The following RARRES2 variants were observed in gnomAD, a reference collection of about 807,000 sequenced individuals.
RARRES2 encodes the protein retinoic acid receptor responder 2, also known as retinoic acid receptor responder protein 2.
RARRES2 carries 12 observed loss-of-function variants against 17.9 expected under a neutral mutation model. The observed-to-expected ratio is 0.67, with a 90% CI of 0.43 to 1.08. The LOEUF is 1.08. Ranked by LOEUF, RARRES2 falls within the 50% of genes least tolerant of loss-of-function variation. The pLI, the probability that RARRES2 is intolerant of heterozygous loss-of-function variation, is 0.00. For missense variants in RARRES2, 220 were observed against 210.1 expected (o/e 1.05, Z -0.29); for synonymous variants, 82 against 86.8 (o/e 0.94, Z 0.31).
At chr7:150,340,937 TC>T (rs1256561538) in intron 1 of RARRES2, 3 of 229,854 alleles carry the variant, frequency 1.3e-5, no homozygotes, top group African/African-American at 4.6e-5. Flanking sequence ...GCCCATTGTG[TC>T]TCTCCCTGGG....
rs1798492692 is a variant in RARRES2, at chr7:150,341,616, G to C, written c.-59C>G. 6.6e-6 allele frequency: 1 copy of C among 152,154 alleles called. No individual in the cohort carries two copies. The highest frequency in any genetic ancestry group is 6.5e-5 in the Admixed American group (1 of 15,272). 9.4% of individuals were successfully genotyped at this position (152,154 alleles called of 1,614,324 possible). A position where few individuals can be genotyped will look rare whatever the true frequency, so the allele number is the denominator to read the frequency against. ...CCTGGAGGTCTCCCCTGACCGTCCC[G>C]CAGCTGAAATCTTGGCCTCGCTGTC... On this transcript the variant is annotated 5_prime_UTR_variant, in exon 1 of 6. Transcript: ENST00000223271.
chr7:150,339,149 G>T, intron 3 of RARRES2, 68 bp from the exon 4 acceptor site: 1 of 1,434,862 alleles, frequency 7.0e-7, no homozygotes, highest in Non-Finnish European at 9.8e-7. Context: ...CATCATGAGG[G>T]TGGGAGCCAG....
rs1798463462 is a variant in RARRES2 at position 150,340,646 on chromosome 7, C to G, written c.-20-17G>C. 3 of 1,461,570 alleles carry G rather than the reference C, an allele frequency of 2.1e-6. No homozygotes were observed. The highest frequency in any genetic ancestry group is 2.7e-6 in the Non-Finnish European group (3 of 1,106,718). The allele number at this position is 1,461,570 out of a possible 1,614,324, so 90.5% of individuals were successfully genotyped here. On this transcript the variant is annotated splice_polypyrimidine_tract_variant and intron_variant, in intron 1 of 5. Transcript: ENST00000223271. ...ACCCTGGCCCTGCGAAGCGGGTGTGCGCCCCTCAGCTCTCCGAGCCAGCCC... is the reference window on the plus strand; with the variant it reads ...ACCCTGGCCCTGCGAAGCGGGTGTGGGCCCCTCAGCTCTCCGAGCCAGCCC...
At chr7:150,338,527 C>A in intron 5 of RARRES2, 88 bp from the exon 6 acceptor site, 1 of 1,517,128 alleles carries the variant, frequency 6.6e-7, no homozygotes, top group Non-Finnish European at 8.9e-7. Context: ...GACCTGTCCC[C>A]TCCCAGGCTC....
At chr7:150,340,293 G>A (rs916150324) in intron 2 of RARRES2, 89 bp from the exon 3 acceptor site, 8 of 1,555,030 alleles carry the variant, frequency 5.1e-6, no homozygotes, top group South Asian at 2.3e-5. Flanking sequence ...CCCTCACGCA[G>A]TCACATTCCA....
chr7:150,340,423 C>A lies in RARRES2; in HGVS notation c.174+13G>T. On this transcript the variant is annotated intron_variant, in intron 2 of 5. Coordinates refer to ENST00000223271, the MANE Select transcript of RARRES2 (RefSeq NM_002889.4). ...ACGACCCTCCCCGCTCCTGCCCGGG[C>A]CATGCTACTCACCGTGTCCACGGCG... is the stretch of plus-strand genomic sequence containing the variant. 3 of 1,587,918 alleles carry A rather than the reference C, an allele frequency of 1.9e-6. No individual in the cohort carries two copies. Among genetic ancestry groups the A allele is most frequent in the South Asian group, 2.3e-5 (2 of 88,374 alleles).
intron 1 of RARRES2, 92 bp from the exon 2 acceptor site, chr7:150,340,721 G>A (rs1798466310): frequency 7.2e-6 from 8 of 1,118,004 alleles, no homozygotes; most frequent in African/African-American, 4.2e-5. Context: ...GGGAGCGGGG[G>A]CGGGGTCCAG....
chr7:150,339,409 T>C (rs1433070593), intron 3 of RARRES2, among the ~76,000 whole-genome samples: 2 of 152,174 alleles, frequency 1.3e-5, no homozygotes, highest in Admixed American at 6.5e-5. Flanking sequence ...GTGTGATGTA[T>C]GCATGGATGT....
intron 3 of RARRES2, 136 bp downstream of exon 3, chr7:150,339,964 G>A (rs562707771): frequency 2.5e-6 from 2 of 796,758 alleles, no homozygotes; most frequent in Middle Eastern, 2.3e-4. Flanking sequence ...TCGCAGTGGG[G>A]TCTCTAACCT....
At chr7:150,340,014 C>A (rs1457554707) in intron 3 of RARRES2, 86 bp downstream of exon 3, 5 of 1,189,772 alleles carry the variant, frequency 4.2e-6, no homozygotes, top group African/African-American at 1.5e-5. Flanking sequence ...TGCATGCACA[C>A]CCAGGCATGT....
chr7:150,339,864 C>T (rs1373556065), intron 3 of RARRES2, among the ~76,000 whole-genome samples: 1 of 152,142 alleles, frequency 6.6e-6, no homozygotes, highest in Non-Finnish European at 1.5e-5. Context: ...GGTAACCAAA[C>T]CATCTTCCTG....
In RARRES2 at chr7:150,338,692, C is replaced by A. The variant is rs1346689127; in HGVS notation, c.425G>T (p.Gly142Val). The A allele has an allele frequency of 6.4e-7, 1 of 1,555,516 alleles. No individual in the cohort carries two copies. Among genetic ancestry groups the A allele is most frequent in the Non-Finnish European group, 8.7e-7 (1 of 1,149,086 alleles). Residue 142 changes from glycine (G) to valine (V), a missense_variant, in exon 5 of 6, where the codon GGT becomes GTT. Transcript: ENST00000223271. ...GAAGTAGAAGCTGTGGGGGTCCTCA[C>A]CAGCCCGCTGCACCCTGAGGCACTG... ...ETQCLRVQRA[G>V]EDPHSFYFPG... is the part of the protein sequence containing the mutation.
At position 150,339,225 on chromosome 7, in the gene RARRES2, G is replaced by A. The variant is rs1798418893; in HGVS notation, c.280-144C>T. 27 of 736,236 alleles carry A rather than the reference G, an allele frequency of 3.7e-5. No homozygotes were observed. In the South Asian group the frequency reaches 4.1e-4, roughly 11 times the overall value. 45.6% of individuals were successfully genotyped at this position (736,236 alleles called of 1,614,324 possible). On this transcript the variant is annotated intron_variant, in intron 3 of 5. Coordinates refer to ENST00000223271, the MANE Select transcript of RARRES2 (RefSeq NM_002889.4). ...AGCCCAGGAGCAAGAGGTCATGCAGGCCAGCAGGTTTCAGGCACAGCCACC... is the reference window on the plus strand; with the variant it reads ...AGCCCAGGAGCAAGAGGTCATGCAGACCAGCAGGTTTCAGGCACAGCCACC...
At chr7:150,338,509 A>T (rs558971639) in intron 5 of RARRES2, 70 bp from the exon 6 acceptor site, 2 of 1,517,974 alleles carry the variant, frequency 1.3e-6, no homozygotes, top group East Asian at 4.9e-5. Context: ...CTTTCCTCCC[A>T]GGCTTCTGAC....
chr7:150,340,336 C>G (rs577785738), intron 2 of RARRES2, 100 bp downstream of exon 2: 1 of 1,545,540 alleles, frequency 6.5e-7, no homozygotes, highest in African/African-American at 1.4e-5. Flanking sequence ...CTCCAAAGGG[C>G]TGGGGCTCAG....
chr7:150,340,816 G>A (rs1249154180), intron 1 of RARRES2, 187 bp from the exon 2 acceptor site: 1 of 541,060 alleles, frequency 1.8e-6, no homozygotes. Flanking sequence ...GGCCCTCTCC[G>A]TTCCCTCCCA....
chr7:150,338,547 A>T, intron 5 of RARRES2, 68 bp downstream of exon 5: 1 of 1,523,964 alleles, frequency 6.6e-7, no homozygotes, highest in Admixed American at 2.0e-5. Flanking sequence ...CCCAAAGCCC[A>T]GCCCAGCCCC....
rs1311292778 is a variant in RARRES2 at position 150,340,488 on chromosome 7, G to C, written c.122C>G (p.Pro41Arg). Residue 41 changes from proline to arginine, a missense_variant, in exon 2 of 6, where the codon CCG becomes CGG. Physicochemically the swap from Pro to Arg is moderately radical, Grantham distance 103. Transcript: ENST00000223271. ...QVALEEFHKH[P>R]PVQWAFQETS... ...CTCCTGGAAGGCCCACTGCACGGGC[G>C]GGTGCTTGTGAAATTCCTCCAGGGC... is the stretch of plus-strand genomic sequence containing the variant. The C allele has an allele frequency of 1.2e-6, 2 of 1,608,162 alleles. No homozygotes were observed. The highest frequency in any genetic ancestry group is 1.7e-5 in the Admixed American group (1 of 59,314).
intron 3 of RARRES2, 46 bp downstream of exon 3, chr7:150,340,054 A>C: frequency 6.5e-7 from 1 of 1,538,094 alleles, no homozygotes; most frequent in South Asian, 1.1e-5. Context: ...AAGTCCATGC[A>C]CTCACACCCA....
Sources: allele counts gnomAD v4.1 joint callset (sites outside exome capture counted in the v4.1 genomes callset), GRCh38; gene constraint gnomAD v4.1.1; transcripts MANE v1.5; gene names NCBI Gene and HGNC (gene_info 2026-07-23, HGNC 2026-07-21).